Variants in HDAC9 observed in about 807,000 individuals in gnomAD.
HDAC9 encodes histone deacetylase 9.
HDAC9 carries 41 observed loss-of-function variants against 139.4 expected under a neutral mutation model. The observed-to-expected ratio is 0.29, with a 90% CI of 0.23 to 0.38. The LOEUF is 0.38. Ranked by LOEUF, HDAC9 falls within the 10% of genes least tolerant of loss-of-function variation. The pLI, the probability that HDAC9 is intolerant of heterozygous loss-of-function variation, is 1.00. For missense variants in HDAC9, 1,147 were observed against 1,297.0 expected, an observed-to-expected ratio of 0.88 and a Z score of 1.78; for synonymous variants, 517 against 476.2, an observed-to-expected ratio of 1.09 and a Z score of -1.12.
chr7:18,499,981 C>T (rs1331755321), intron 2 of HDAC9, among the ~76,000 whole-genome samples: 2 of 152,078 alleles, frequency 1.3e-5, no homozygotes, highest in African/African-American at 4.8e-5. Flanking sequence ...TCAAGAATCA[C>T]TTCTGGTATT....
At chr7:18,540,856 C>T (rs1812575556) in intron 2 of HDAC9, among the ~76,000 whole-genome samples, 1 of 152,106 alleles carries the variant, frequency 6.6e-6, no homozygotes, top group Admixed American at 6.6e-5. Context: ...ATAAGTAAAA[C>T]ACTATTGTAA....
At chr7:18,976,307 TTC>T (rs1300761075) in intron 25 of HDAC9, among the ~76,000 whole-genome samples, 1 of 152,236 alleles carries the variant, frequency 6.6e-6, no homozygotes, top group African/African-American at 2.4e-5. Context: ...TTTCCAGATG[TTC>T]TTTTTCTTTC....
At chr7:18,928,785 GTATT>G (rs1372692467) in intron 22 of HDAC9, among the ~76,000 whole-genome samples, 1 of 151,704 alleles carries the variant, frequency 6.6e-6, no homozygotes, top group Non-Finnish European at 1.5e-5. Context: ...ATGGAACTAT[GTATT>G]TATTATTATT....
intron 1 of HDAC9, among the ~76,000 whole-genome samples, chr7:18,483,235 A>G (rs1417389061): frequency 6.6e-6 from 1 of 152,230 alleles, no homozygotes; most frequent in Non-Finnish European, 1.5e-5. Context: ...TATTATGTAA[A>G]TGGGTGTCTC....
chr7:18,420,683 A>G (rs1022316793), intron 1 of HDAC9, among the ~76,000 whole-genome samples: 2 of 152,214 alleles, frequency 1.3e-5, no homozygotes, highest in African/African-American at 4.8e-5. Flanking sequence ...CTCAGTGGTG[A>G]GAAGAAAAAT....
At chr7:18,193,393 TTAC>T (rs1442469820) in intron 2 of HDAC9, among the ~76,000 whole-genome samples, 2 of 152,192 alleles carry the variant, frequency 1.3e-5, no homozygotes, top group African/African-American at 2.4e-5. Context: ...AGCTAGCCAC[TTAC>T]TTCCTTCTTT....
intron 21 of HDAC9, among the ~76,000 whole-genome samples, chr7:18,873,869 TGGATGA>T (rs1194493037): frequency 1.3e-5 from 2 of 152,162 alleles, no homozygotes; most frequent in Non-Finnish European, 2.9e-5. Flanking sequence ...GTTGCTGTCA[TGGATGA>T]GGCTGCCACA....
At chr7:18,202,431 C>T (rs2128160401) in intron 2 of HDAC9, among the ~76,000 whole-genome samples, 1 of 152,170 alleles carries the variant, frequency 6.6e-6, no homozygotes, top group South Asian at 2.1e-4. Context: ...GTTGCACAGA[C>T]ACTTGTACTT....
At chr7:18,829,238 C>T (rs774790632) in intron 18 of HDAC9, 22 bp downstream of exon 18, 1 of 1,592,776 alleles carries the variant, frequency 6.3e-7, no homozygotes, top group African/African-American at 1.3e-5. Context: ...GGACTGTTGC[C>T]CATCTCCAAG....
chr7:18,737,297 C>A (rs193220365), intron 13 of HDAC9, among the ~76,000 whole-genome samples: 166 of 152,180 alleles, frequency 1.1e-3, no homozygotes, highest in African/African-American at 3.6e-3. Flanking sequence ...GTTTGCTCTT[C>A]CTTCTCTAGT....
intron 2 of HDAC9, among the ~76,000 whole-genome samples, chr7:18,572,427 G>T (rs1007719752): frequency 2.0e-5 from 3 of 150,828 alleles, no homozygotes; most frequent in African/African-American, 7.4e-5. Flanking sequence ...TTGAGGCAGA[G>T]GATTTCCTTA....
At chr7:18,178,818 A>G (rs1341031934) in intron 2 of HDAC9, among the ~76,000 whole-genome samples, 6 of 152,260 alleles carry the variant, frequency 3.9e-5, no homozygotes, top group Non-Finnish European at 7.3e-5. Context: ...AGTAAAATAC[A>G]TAGAAAGGAA....
At chr7:18,880,455 C>T (rs1013282735) in intron 22 of HDAC9, among the ~76,000 whole-genome samples, 1 of 152,070 alleles carries the variant, frequency 6.6e-6, no homozygotes, top group Non-Finnish European at 1.5e-5. Context: ...GGTACATATA[C>T]ACCATACTAT....
intron 19 of HDAC9, among the ~76,000 whole-genome samples, chr7:18,834,048 G>A (rs1796049510): frequency 6.6e-6 from 1 of 152,148 alleles, no homozygotes; most frequent in African/African-American, 2.4e-5. Context: ...GTAGATTCAA[G>A]ACCCAGTCTT....
chr7:18,207,443 A>G lies in HDAC9; in HGVS notation c.25+45094A>G, dbSNP rs145659132. 5.5e-3 allele frequency among the ~76,000 whole-genome samples: 832 copies of G among 150,438 alleles called. 2 individuals carry two copies. Among genetic ancestry groups the G allele is most frequent in the African/African-American group, 9.3e-3 (382 of 41,086 alleles). ...TTTAATAAAGATAGGTTCTCACTCT[A>G]TCATCCAGGATGGAGTGTAGTGGTG... On this transcript the variant is annotated intron_variant, in intron 2 of 12. Transcript: ENST00000417496.
intron 1 of HDAC9, among the ~76,000 whole-genome samples, chr7:18,108,066 G>A (rs1174727438): frequency 1.3e-5 from 2 of 152,092 alleles, no homozygotes; most frequent in Non-Finnish European, 2.9e-5. Context: ...ATTCTTTCGG[G>A]GGACCTGTGA....
At chr7:18,563,460 T>A (rs1300036631) in intron 2 of HDAC9, among the ~76,000 whole-genome samples, 2 of 152,222 alleles carry the variant, frequency 1.3e-5, no homozygotes, top group Non-Finnish European at 2.9e-5. Flanking sequence ...TAGCTTATTT[T>A]AGTTATTTCC....
chr7:18,560,624 T>G (rs948820370), intron 2 of HDAC9, among the ~76,000 whole-genome samples: 3 of 152,206 alleles, frequency 2.0e-5, no homozygotes, highest in African/African-American at 7.2e-5. Flanking sequence ...CTTAGTGCCT[T>G]GTTTTGTCAC....
Position 18,237,240 on chromosome 7 carries a change from T to C in HDAC9, c.25+74891T>C, listed in dbSNP as rs75060102. Among the ~76,000 whole-genome samples, 903 of 152,316 alleles carry C rather than the reference T, an allele frequency of 5.9e-3. 14 individuals carry two copies. Among genetic ancestry groups the C allele is most frequent in the African/African-American group, 0.021 (875 of 41,586 alleles). On this transcript the variant is annotated intron_variant, in intron 2 of 12. Coordinates refer to the HDAC9 transcript ENST00000417496. ...GTACATGTAAGATTTGTAGGAAGCA[T>C]GATTAGAAGTTATTTTTAGGCTGTG...
Sources: gnomAD v4.1 joint callset for allele counts (sites outside exome capture counted in the v4.1 genomes callset) on GRCh38, gnomAD v4.1.1 for gene constraint, MANE v1.5 for transcripts, NCBI Gene and HGNC (gene_info 2026-07-23, HGNC 2026-07-21) for gene names.